CHIC2: variants seen among roughly 807,000 people sequenced by gnomAD.
CHIC2 encodes cysteine rich hydrophobic domain 2, also known as cysteine-rich hydrophobic domain-containing protein 2.
Under a neutral mutation model 25.9 loss-of-function variants are expected in CHIC2, and 14 were observed. The observed-to-expected ratio is 0.54, with a 90% CI of 0.36 to 0.85. The LOEUF is 0.85. Among genes scored for constraint, CHIC2 ranks in the 40% least tolerant of loss-of-function variants. The pLI is 0.01. For missense variants in CHIC2, 146 were observed against 202.0 expected (o/e 0.72, Z 1.68); for synonymous variants, 70 against 72.0 (o/e 0.97, Z 0.14).
chr4:54,045,329 G>A (rs906061316), intron 3 of CHIC2, among the ~76,000 whole-genome samples: 7 of 152,130 alleles, frequency 4.6e-5, no homozygotes, highest in East Asian at 3.9e-4. Context: ...TACCAAAGCC[G>A]GGCAGAGACA....
chr4:54,063,598 CAT>C (rs1035770771), intron 1 of CHIC2, among the ~76,000 whole-genome samples: 6 of 152,304 alleles, frequency 3.9e-5, no homozygotes, highest in African/African-American at 1.2e-4. Context: ...TTGTTGTAAA[CAT>C]ATTTCTTTCT....
intron 3 of CHIC2, among the ~76,000 whole-genome samples, chr4:54,025,076 T>C (rs1343740536): frequency 7.1e-6 from 1 of 140,968 alleles, no homozygotes; most frequent in Non-Finnish European, 1.5e-5. Context: ...ACTTCAACAC[T>C]ATTTTATGTT....
chr4:54,059,168 T>A (rs968536826), intron 1 of CHIC2, among the ~76,000 whole-genome samples: 29 of 152,312 alleles, frequency 1.9e-4, no homozygotes, highest in Admixed American at 1.2e-3. Context: ...ACCAAAGATA[T>A]GTATTATATC....
At chr4:54,085,557 G>C in the CHIC2 span, among the ~76,000 whole-genome samples, 4 of 152,200 alleles carry the variant, frequency 2.6e-5, no homozygotes, top group Admixed American at 6.5e-5. Flanking sequence ...GCCAAGTCCA[G>C]AGACTCAGGG....
intron 1 of CHIC2, among the ~76,000 whole-genome samples, chr4:54,051,582 T>C (rs1449457025): frequency 6.6e-6 from 1 of 152,092 alleles, no homozygotes; most frequent in Non-Finnish European, 1.5e-5. Context: ...TCATGGAATA[T>C]AAACTGCTTT....
At position 54,009,867 on chromosome 4, in the gene CHIC2, G is replaced by C. The variant is rs1715523727; in HGVS notation, c.*228C>G. The C allele has an allele frequency of 8.1e-6, 3 of 372,166 alleles. No individual in the cohort carries two copies. Among genetic ancestry groups the C allele is most frequent in the Non-Finnish European group, 4.9e-6 (1 of 202,446 alleles). The allele number at this position is 372,166 out of a possible 1,614,324, so 23.1% of individuals were successfully genotyped here. ...GAAAATCAGAATACATAACAGAAAA[G>C]AGCACAATAACTTAAGTATTAAACA... is the stretch of plus-strand genomic sequence containing the variant. On this transcript the variant is annotated 3_prime_UTR_variant, in exon 6 of 6. Coordinates refer to ENST00000263921, the MANE Select transcript of CHIC2 (RefSeq NM_012110.4).
At chr4:54,013,705 T>C (rs185410639) in intron 5 of CHIC2, 132 bp downstream of exon 5, 43 of 787,578 alleles carry the variant, frequency 5.5e-5, no homozygotes, top group South Asian at 1.4e-4. Flanking sequence ...CTGTGAACCG[T>C]AGAAAATCCT....
chr4:54,084,956 T>A, the CHIC2 span, among the ~76,000 whole-genome samples: 1 of 70,482 alleles, frequency 1.4e-5, no homozygotes, highest in South Asian at 4.9e-4. Flanking sequence ...CCTTGCTCTG[T>A]CTCAAAAAAA....
intron 3 of CHIC2, among the ~76,000 whole-genome samples, chr4:54,038,692 G>C (rs553712877): frequency 6.6e-6 from 1 of 152,084 alleles, no homozygotes; most frequent in Admixed American, 6.6e-5. Flanking sequence ...GAAAAAAATT[G>C]AAAGGCTCAA....
Position 54,010,095 on chromosome 4 carries a change from C to T in CHIC2, c.498G>A (p.Ter166=), listed in dbSNP as rs375100134. Residue 166 remains the stop codon, a stop_retained_variant, in exon 6 of 6, where the codon TAG becomes TAA. Transcript: ENST00000263921. The part of the protein sequence containing the change: ...LPKTPIFRPD[*] ...AAAGTCTCTATAAATAAAGTAAATG[C>T]TAATCTGGTCGAAAAATCGGTGTCT... is the stretch of plus-strand genomic sequence containing the variant. The T allele has an allele frequency of 8.1e-6, 13 of 1,598,038 alleles. No homozygotes were observed. The highest frequency in any genetic ancestry group is 5.4e-5 in the African/African-American group (4 of 74,422).
At chr4:54,072,301 CAAAAA>C in the CHIC2 span, among the ~76,000 whole-genome samples, 2 of 130,910 alleles carry the variant, frequency 1.5e-5, no homozygotes, top group African/African-American at 2.8e-5. Flanking sequence ...GACTCCATCT[CAAAAA>C]AAAAAAAAAG....
At chr4:54,018,602 A>G (rs942415866) in intron 3 of CHIC2, among the ~76,000 whole-genome samples, 29 of 152,096 alleles carry the variant, frequency 1.9e-4, no homozygotes, top group African/African-American at 7.0e-4. Flanking sequence ...AATAAAACCA[A>G]TGGAAATCTC....
chr4:54,025,499 C>T (rs886560638), intron 3 of CHIC2, among the ~76,000 whole-genome samples: 5 of 152,156 alleles, frequency 3.3e-5, no homozygotes, highest in Admixed American at 2.0e-4. Flanking sequence ...AGCCTTGTCG[C>T]TCACACAAAG....
At chr4:54,047,803 T>TA (rs895265594) in intron 3 of CHIC2, among the ~76,000 whole-genome samples, 11 of 151,316 alleles carry the variant, frequency 7.3e-5, no homozygotes, top group Admixed American at 2.6e-4. Flanking sequence ...GTATAATAAT[T>TA]AAAAAAAAGA....
At chr4:54,078,098 C>A in the CHIC2 span, among the ~76,000 whole-genome samples, 1 of 152,184 alleles carries the variant, frequency 6.6e-6, no homozygotes, top group Non-Finnish European at 1.5e-5. Flanking sequence ...ATGTGTCTCA[C>A]ATGTGGGATT....
At chr4:54,084,949 T>C in the CHIC2 span, among the ~76,000 whole-genome samples, 1 of 87,314 alleles carries the variant, frequency 1.1e-5, no homozygotes, top group Non-Finnish European at 2.5e-5. Context: ...GACACAGCCT[T>C]GCTCTGTCTC....
upstream of CHIC2, among the ~76,000 whole-genome samples, chr4:54,068,199 G>A (rs1433729848): frequency 6.6e-6 from 1 of 152,102 alleles, no homozygotes; most frequent in Non-Finnish European, 1.5e-5. Context: ...AAGCCACCCA[G>A]GCTACGATGT....
At chr4:54,023,793 A>G (rs1715976856) in intron 3 of CHIC2, among the ~76,000 whole-genome samples, 1 of 152,198 alleles carries the variant, frequency 6.6e-6, no homozygotes, top group Admixed American at 6.5e-5. Context: ...AGGACTACGC[A>G]TCAATATCTA....
At chr4:54,078,106 A>G in the CHIC2 span, among the ~76,000 whole-genome samples, 1 of 152,196 alleles carries the variant, frequency 6.6e-6, no homozygotes, top group Non-Finnish European at 1.5e-5. Context: ...CACATGTGGG[A>G]TTCTATAATT....
Sources: gnomAD v4.1 joint callset for allele counts (sites outside exome capture counted in the v4.1 genomes callset) on GRCh38, gnomAD v4.1.1 for gene constraint, MANE v1.5 for transcripts, NCBI Gene and HGNC (gene_info 2026-07-23, HGNC 2026-07-21) for gene names.